RP1: variants seen among roughly 807,000 people sequenced by gnomAD.
RP1 encodes the protein RP1 axonemal microtubule associated.
Under a neutral mutation model 14.8 loss-of-function variants are expected in RP1, and 16 were observed. That is an observed-to-expected ratio of 1.08 (90% CI 0.73 to 1.65). The LOEUF (loss-of-function observed/expected upper bound fraction) is 1.65, where lower values mean the gene tolerates loss of function less well. RP1 is among the 40% of genes most tolerant of loss of function. The pLI is 0.00. For missense variants in RP1, 2,631 were observed against 2,535.0 expected, an observed-to-expected ratio of 1.04 and a Z score of -0.81; for synonymous variants, 876 against 883.6, an observed-to-expected ratio of 0.99 and a Z score of 0.15.
At position 54,703,807 on chromosome 8, in the gene RP1, G is replaced by A. The variant is rs1329064084; in HGVS notation, c.1998+2145G>A. 2.6e-5 allele frequency among the ~76,000 whole-genome samples: 4 copies of A among 152,270 alleles called. No individual in the cohort carries two copies. In the East Asian group the frequency reaches 7.7e-4, roughly 29 times the overall value. Reference sequence around the variant, plus strand: ...GTAACTTGCTACAGCTTCTCCATCAGTACTTGCTGCTTTACCTTGCACTGT... The same window carrying A: ...GTAACTTGCTACAGCTTCTCCATCAATACTTGCTGCTTTACCTTGCACTGT... On this transcript the variant is annotated intron_variant, in intron 14 of 22. Coordinates refer to the RP1 transcript ENST00000636932.
intron 24 of RP1, among the ~76,000 whole-genome samples, chr8:54,793,636 G>T (rs1407467996): frequency 1.3e-5 from 2 of 151,844 alleles, no homozygotes; most frequent in Non-Finnish European, 1.5e-5. Flanking sequence ...ATGGTTTTGT[G>T]ATAAAAACTC....
chr8:54,777,861 A>T (rs1810080570), intron 23 of RP1, among the ~76,000 whole-genome samples: 1 of 151,696 alleles, frequency 6.6e-6, no homozygotes, highest in East Asian at 1.9e-4. Context: ...CTTTGTGCTA[A>T]TAATAAGATC....
intron 24 of RP1, among the ~76,000 whole-genome samples, chr8:54,819,418 T>G (rs993741905): frequency 2.6e-5 from 4 of 152,142 alleles, no homozygotes; most frequent in African/African-American, 9.7e-5. Flanking sequence ...TTTTGAATTC[T>G]CTGTCTGAAA....
intron 24 of RP1, among the ~76,000 whole-genome samples, chr8:54,819,177 G>A (rs139637750): frequency 1.2e-4 from 18 of 151,710 alleles, no homozygotes; most frequent in African/African-American, 3.9e-4. Flanking sequence ...TCTCCTCTGT[G>A]TATTTTCATA....
At chr8:54,602,908 T>C (rs1378592833) in intron 1 of RP1, among the ~76,000 whole-genome samples, 1 of 152,192 alleles carries the variant, frequency 6.6e-6, no homozygotes, top group African/African-American at 2.4e-5. Flanking sequence ...TGTAAATTTG[T>C]TTGAGGTCAT....
intron 24 of RP1, among the ~76,000 whole-genome samples, chr8:54,813,546 A>G (rs1456840711): frequency 6.6e-6 from 1 of 152,236 alleles, no homozygotes; most frequent in Non-Finnish European, 1.5e-5. Context: ...ATGGATATAA[A>G]GGACATTTAA....
chr8:54,808,616 T>C (rs1810915328), intron 24 of RP1, among the ~76,000 whole-genome samples: 1 of 152,252 alleles, frequency 6.6e-6, no homozygotes. Flanking sequence ...AAAGCTCCCC[T>C]TCCTTTCATT....
chr8:54,598,738 GA>G (rs1805205072), intron 1 of RP1, among the ~76,000 whole-genome samples: 1 of 152,140 alleles, frequency 6.6e-6, no homozygotes, highest in South Asian at 2.1e-4. Context: ...GCCGGACATA[GA>G]ACTGTGGTTG....
chr8:54,603,537 A>G (rs539576946), intron 1 of RP1, among the ~76,000 whole-genome samples: 27 of 151,632 alleles, frequency 1.8e-4, no homozygotes, highest in African/African-American at 3.9e-4. Flanking sequence ...TTTTGGTTCC[A>G]TATGAACTTG....
At chr8:54,681,378 G>A (rs1279512763) in intron 12 of RP1, among the ~76,000 whole-genome samples, 1 of 152,062 alleles carries the variant, frequency 6.6e-6, no homozygotes, top group African/African-American at 2.4e-5. Context: ...GTATCATGAT[G>A]TGAGGTCCCA....
At chr8:54,657,360 ACTTGT>A (rs544987561) in intron 6 of RP1, among the ~76,000 whole-genome samples, 73 of 152,252 alleles carry the variant, frequency 4.8e-4, no homozygotes, top group Non-Finnish European at 7.6e-4. Flanking sequence ...TTCTGATTTT[ACTTGT>A]CTTCTGTGTA....
intron 21 of RP1, among the ~76,000 whole-genome samples, chr8:54,756,447 T>C (rs1311747640): frequency 6.6e-6 from 1 of 152,240 alleles, no homozygotes; most frequent in African/African-American, 2.4e-5. Context: ...CTGTTTGTTG[T>C]AGTTTGTGAA....
intron 12 of RP1, chr8:54,679,960 T>G (rs192096596): frequency 6.5e-7 from 1 of 1,533,334 alleles, no homozygotes; most frequent in South Asian, 1.2e-5. Flanking sequence ...AAGCTTGTGG[T>G]GCTGGACAGG....
At chr8:54,766,136 C>T (rs751145744) in intron 22 of RP1, among the ~76,000 whole-genome samples, 31 of 152,182 alleles carry the variant, frequency 2.0e-4, no homozygotes, top group Non-Finnish European at 3.1e-4. Context: ...TCAGATGTCT[C>T]ATTACGAATA....
chr8:54,679,543 C>G, intron 10 of RP1: 1 of 1,535,536 alleles, frequency 6.5e-7, no homozygotes, highest in Non-Finnish European at 8.7e-7. Flanking sequence ...TTTATGATGA[C>G]TGGAGAAAGC....
At chr8:54,764,566 T>G (rs1809717713) in intron 22 of RP1, among the ~76,000 whole-genome samples, 1 of 152,238 alleles carries the variant, frequency 6.6e-6, no homozygotes, top group Non-Finnish European at 1.5e-5. Flanking sequence ...TGTGTTTATG[T>G]GTCTGTCCTA....
intron 16 of RP1, among the ~76,000 whole-genome samples, chr8:54,722,016 G>T (rs1267341339): frequency 1.3e-5 from 2 of 152,018 alleles, no homozygotes; most frequent in African/African-American, 4.8e-5. Context: ...GCCAAGATGG[G>T]TGGATCACTT....
At chr8:54,866,491 T>C (rs1399715429) in intron 28 of RP1, among the ~76,000 whole-genome samples, 1 of 152,220 alleles carries the variant, frequency 6.6e-6, no homozygotes, top group African/African-American at 2.4e-5. Flanking sequence ...CAAAGTTTTA[T>C]GAGAATGATT....
At chr8:54,669,285 A>G (rs899264093) in intron 7 of RP1, among the ~76,000 whole-genome samples, 1 of 152,236 alleles carries the variant, frequency 6.6e-6, no homozygotes, top group Non-Finnish European at 1.5e-5. Flanking sequence ...AATGCTCATC[A>G]TCACTGGTCA....
Sources: gnomAD v4.1 joint callset for allele counts (sites outside exome capture counted in the v4.1 genomes callset) on GRCh38, gnomAD v4.1.1 for gene constraint, MANE v1.5 for transcripts, NCBI Gene and HGNC (gene_info 2026-07-23, HGNC 2026-07-21) for gene names.